The following SAT2 variants were observed in gnomAD, a reference collection of about 807,000 sequenced individuals.
SAT2 encodes the protein thialysine N-epsilon-acetyltransferase.
Under a neutral mutation model 24.8 loss-of-function variants are expected in SAT2, and 19 were observed. The observed-to-expected ratio is 0.77, with a 90% CI of 0.53 to 1.12. The LOEUF (loss-of-function observed/expected upper bound fraction) is 1.12. Among genes scored for constraint, SAT2 ranks in the 50% most tolerant of loss-of-function variants. The pLI, the probability that SAT2 is intolerant of heterozygous loss-of-function variation, is 0.00. For missense variants in SAT2, 190 were observed against 210.7 expected (o/e 0.90, Z 0.61); for synonymous variants, 77 against 77.4 (o/e 0.99, Z 0.03).
Position 7,627,764 on chromosome 17 carries a change from C to A in SAT2, c.-129G>T. 1 of 948,122 alleles carries A rather than the reference C, an allele frequency of 1.1e-6. No homozygotes were observed. The highest frequency in any genetic ancestry group is 1.7e-6 in the Non-Finnish European group (1 of 599,122). The allele number at this position is 948,122 out of a possible 1,614,324, so 58.7% of individuals were successfully genotyped here. A position where few individuals can be genotyped will look rare whatever the true frequency, so the allele number is the denominator to read the frequency against. On this transcript the variant is annotated 5_prime_UTR_variant, in exon 1 of 6. Transcript: ENST00000269298. This position sits in a 1 kb window ranked among gnomAD's most constrained non-coding sequence, Gnocchi z 4.8. Reference sequence around the variant, plus strand: ...GGGTGGCGGGAGTCGGGGGGGACGGCGGGGTAGCCGCGGCCTGGTAAGTGG... The same window carrying A: ...GGGTGGCGGGAGTCGGGGGGGACGGAGGGGTAGCCGCGGCCTGGTAAGTGG...
At position 7,626,487 on chromosome 17, in the gene SAT2, CAGA is replaced by C. The variant is rs757956545; in HGVS notation, c.470_472del (p.Phe157del). On this transcript the variant is annotated inframe_deletion, in exon 6 of 6. Transcript: ENST00000269298. Reference sequence around the variant, plus strand: ...CTTTCTCGTTGCCTCTCCTTGAAAGCAGAAGAAGTGCCAGCCCTCAGCTTCCGT... The same window carrying C: ...CTTTCTCGTTGCCTCTCCTTGAAAGCAGAAGTGCCAGCCCTCAGCTTCCGT... 7.4e-5 allele frequency: 120 copies of C among 1,614,140 alleles called. No homozygotes were observed. Among genetic ancestry groups the C allele is most frequent in the Admixed American group, 4.0e-4 (24 of 60,006 alleles).
chr17:7,626,745 C>CT lies in SAT2; in HGVS notation c.345+7dup, dbSNP rs1323270828. 1 of 1,614,186 alleles carries CT rather than the reference C, an allele frequency of 6.2e-7. No homozygotes were observed. Among genetic ancestry groups the CT allele is most frequent in the Admixed American group, 1.7e-5 (1 of 60,006 alleles). On this transcript the variant is annotated splice_region_variant and intron_variant, in intron 5 of 5. Transcript: ENST00000269298. ...GGTCCTCACTTGTCGCCCCACCCAT[C>CT]TCCTCACCTCAGCCACCTTTTTGAT...
In SAT2 at chr17:7,627,353, G is replaced by A. The variant is rs377569695; in HGVS notation, c.118+10C>T. 2.5e-6 allele frequency: 4 copies of A among 1,614,088 alleles called. No individual in the cohort carries two copies. The highest frequency in any genetic ancestry group is 8.5e-7 in the Non-Finnish European group (1 of 1,179,972). ...CAGCCTCCGCCAGAACCTGGGCGCTGAGCCCCCACCTTCTTCACTGATCTT... is the reference window on the plus strand; with the variant it reads ...CAGCCTCCGCCAGAACCTGGGCGCTAAGCCCCCACCTTCTTCACTGATCTT... On this transcript the variant is annotated intron_variant, in intron 2 of 5. Coordinates refer to ENST00000269298, the MANE Select transcript of SAT2 (RefSeq NM_133491.5). The surrounding 1 kb of genome is among the most constrained non-coding windows in gnomAD (Gnocchi z 4.8).
chr17:7,626,873 G>A (rs1009485589), intron 4 of SAT2, 70 bp downstream of exon 4: 2 of 1,604,960 alleles, frequency 1.2e-6, no homozygotes, highest in African/African-American at 1.3e-5. Flanking sequence ...CTGGGCTCTG[G>A]GGACAGGGGA....
At position 7,627,329 on chromosome 17, in the gene SAT2, A is replaced by T; in HGVS notation, c.118+34T>A. On this transcript the variant is annotated intron_variant, in intron 2 of 5. Transcript: ENST00000269298. The surrounding 1 kb of genome is among the most constrained non-coding windows in gnomAD (Gnocchi z 4.8). ...GGAACCCATCCCTCATTTCCTCCCC[A>T]GCCTCCGCCAGAACCTGGGCGCTGA... The T allele has an allele frequency of 6.2e-7, 1 of 1,613,938 alleles. No individual in the cohort carries two copies. Among genetic ancestry groups the T allele is most frequent in the Non-Finnish European group, 8.5e-7 (1 of 1,179,896 alleles).
In SAT2 at chr17:7,627,700, G is replaced by C. The variant is rs1244323183; in HGVS notation, c.-65C>G. The stretch of plus-strand genomic sequence containing the variant: ...GCAAACGGCAACTAGACCCCTTAAA[G>C]GGCCTACGGACTTGGATCCTGAAGA... On this transcript the variant is annotated 5_prime_UTR_variant, in exon 1 of 6. Transcript: ENST00000269298. This position sits in a 1 kb window ranked among gnomAD's most constrained non-coding sequence, Gnocchi z 4.8. The C allele has an allele frequency of 6.3e-7, 1 of 1,577,748 alleles. No individual in the cohort carries two copies. The highest frequency in any genetic ancestry group is 2.2e-5 in the East Asian group (1 of 44,704).
In SAT2 at chr17:7,626,475, T is replaced by A; in HGVS notation, c.485A>T (p.Glu162Val). The A allele has an allele frequency of 6.2e-7, 1 of 1,613,982 alleles. No individual in the cohort carries two copies. Among genetic ancestry groups the A allele is most frequent in the Non-Finnish European group, 8.5e-7 (1 of 1,179,982 alleles). Residue 162 changes from glutamate to valine, a missense_variant, in exon 6 of 6, where the codon GAG becomes GTG. By Grantham distance (121) the Glu-to-Val change is moderately radical. Coordinates refer to ENST00000269298, the MANE Select transcript of SAT2 (RefSeq NM_133491.5). ...CTTTCCTGCCAACTTTCTCGTTGCC[T>A]CTCCTTGAAAGCAGAAGAAGTGCCA... ...EGWHFFCFQG[E>V]ATRKLAGK
intron 5 of SAT2, 51 bp from the exon 6 acceptor site, chr17:7,626,665 T>C (rs377736074): frequency 6.2e-7 from 1 of 1,610,912 alleles, no homozygotes; most frequent in African/African-American, 1.3e-5. Flanking sequence ...AGAAAAAGGT[T>C]TTCTCACTCC....
In SAT2 at chr17:7,626,275, G is replaced by T; in HGVS notation, c.*172C>A. The T allele has an allele frequency of 1.5e-6, 1 of 669,460 alleles. No homozygotes were observed. The highest frequency in any genetic ancestry group is 2.0e-5 in the South Asian group (1 of 50,880). 41.5% of individuals were successfully genotyped at this position (669,460 alleles called of 1,614,324 possible). ...TTATTTATTTTTCACCCTCAACAAG[G>T]AAGAAAGGTCTCTCCCTCAATTCTG... On this transcript the variant is annotated 3_prime_UTR_variant, in exon 6 of 6. Coordinates refer to ENST00000269298, the MANE Select transcript of SAT2 (RefSeq NM_133491.5).
In SAT2 at chr17:7,626,794, C is replaced by A. The variant is rs753509426; in HGVS notation, c.305-1G>T. 6.2e-7 allele frequency: 1 copy of A among 1,614,062 alleles called. No individual in the cohort carries two copies. On this transcript the variant is annotated splice_acceptor_variant, in intron 4 of 5. Transcript: ENST00000269298. LOFTEE classifies it high-confidence loss of function. ...ATTATTTTGGAACCAATCCCTTGACCTGTTGTGGAGAGAAAGAGGCAAAAA... is the reference window on the plus strand; with the variant it reads ...ATTATTTTGGAACCAATCCCTTGACATGTTGTGGAGAGAAAGAGGCAAAAA...
Position 7,626,405 on chromosome 17 carries a change from G to C in SAT2, c.*42C>G. 6.2e-7 allele frequency: 1 copy of C among 1,605,954 alleles called. No individual in the cohort carries two copies. Among genetic ancestry groups the C allele is most frequent in the Middle Eastern group, 1.7e-4 (1 of 6,010 alleles). On this transcript the variant is annotated 3_prime_UTR_variant, in exon 6 of 6. Coordinates refer to ENST00000269298, the MANE Select transcript of SAT2 (RefSeq NM_133491.5). ...TCTCTGAAGAGTGCTTCAGCTGATG[G>C]GGAAGGAGAAACTCAAGACAGAGAT... is the stretch of plus-strand genomic sequence containing the variant.
rs1240781960 is a variant in SAT2 at position 7,627,764 on chromosome 17, C to T, written c.-129G>A. ...GGGTGGCGGGAGTCGGGGGGGACGG[C>T]GGGGTAGCCGCGGCCTGGTAAGTGG... On this transcript the variant is annotated 5_prime_UTR_variant, in exon 1 of 6. Coordinates refer to ENST00000269298, the MANE Select transcript of SAT2 (RefSeq NM_133491.5). This position sits in a 1 kb window ranked among gnomAD's most constrained non-coding sequence, Gnocchi z 4.8. The T allele has an allele frequency of 1.1e-6, 1 of 948,124 alleles. No homozygotes were observed. The highest frequency in any genetic ancestry group is 1.7e-6 in the Non-Finnish European group (1 of 599,124). 58.7% of individuals were successfully genotyped at this position (948,124 alleles called of 1,614,324 possible).
rs915723405 is a variant in SAT2 at position 7,627,027 on chromosome 17, A to T, written c.220T>A (p.Tyr74Asn). 1 of 1,613,970 alleles carries T rather than the reference A, an allele frequency of 6.2e-7. No individual in the cohort carries two copies. Among genetic ancestry groups the T allele is most frequent in the African/African-American group, 1.3e-5 (1 of 75,002 alleles). ...GKLLGPCVVG[Y>N]GIYYFIYSTW... is the part of the protein sequence containing the mutation. ...CTGTAGATGAAATAGTATATCCCAT[A>T]GCCCACCACGCAGGGCCCTGAGAGA... Residue 74 changes from tyrosine to asparagine, a missense_variant, in exon 4 of 6, where the codon TAT (tyrosine) becomes AAT (asparagine). Tyr to Asn is a moderately radical substitution (Grantham distance 143, BLOSUM62 -2). Transcript: ENST00000269298. The surrounding 1 kb of genome is among the most constrained non-coding windows in gnomAD (Gnocchi z 4.8).
In SAT2 at chr17:7,627,751, T is replaced by TGG; in HGVS notation, c.-117_-116insCC. ...GCCTGAGAGAGCGGGGTGGCGGGAG[T>TGG]CGGGGGGGACGGCGGGGTAGCCGCG... On this transcript the variant is annotated 5_prime_UTR_variant, in exon 1 of 6. Transcript: ENST00000269298. The surrounding 1 kb of genome is among the most constrained non-coding windows in gnomAD (Gnocchi z 4.8). 9.0e-7 allele frequency: 1 copy of TGG among 1,113,066 alleles called. No individual in the cohort carries two copies. Among genetic ancestry groups the TGG allele is most frequent in the Non-Finnish European group, 1.3e-6 (1 of 749,158 alleles). The allele number at this position is 1,113,066 out of a possible 1,614,324, so 68.9% of individuals were successfully genotyped here.
Position 7,627,527 on chromosome 17 carries a change from C to T in SAT2, c.66+43G>A. ...CCCGCCTCCTACGACCCCGCTCTGG[C>T]CGCGCCACTCTGACCCCCGGGTTAC... On this transcript the variant is annotated intron_variant, in intron 1 of 5. Transcript: ENST00000269298. This position sits in a 1 kb window ranked among gnomAD's most constrained non-coding sequence, Gnocchi z 4.8. 1 of 1,560,630 alleles carries T rather than the reference C, an allele frequency of 6.4e-7. No homozygotes were observed. The highest frequency in any genetic ancestry group is 8.8e-7 in the Non-Finnish European group (1 of 1,133,494).
At chr17:7,626,655 A>T in intron 5 of SAT2, 41 bp from the exon 6 acceptor site, 1 of 1,611,260 alleles carries the variant, frequency 6.2e-7, no homozygotes, top group Non-Finnish European at 8.5e-7. Flanking sequence ...GGGTCAAAAA[A>T]GAAAAAGGTT....
chr17:7,627,574 A>C lies in SAT2; in HGVS notation c.62T>G (p.Ile21Ser), dbSNP rs766581645. Residue 21 changes from isoleucine to serine, a missense_variant, in exon 1 of 6, where the codon ATT (isoleucine) becomes AGT (serine). Ile to Ser is a moderately radical substitution (Grantham distance 142). Coordinates refer to ENST00000269298, the MANE Select transcript of SAT2 (RefSeq NM_133491.5). This position sits in a 1 kb window ranked among gnomAD's most constrained non-coding sequence, Gnocchi z 4.8. ...EGDCGDILRLIRELAEFEKLS... is the reference protein window; with the variant it reads ...EGDCGDILRLSRELAEFEKLS... ...TTACCGGCCTGCAGTCTTCACCCGAATCAGCCTCAGGATATCTCCACAGTC... is the reference window on the plus strand; with the variant it reads ...TTACCGGCCTGCAGTCTTCACCCGACTCAGCCTCAGGATATCTCCACAGTC... The C allele has an allele frequency of 5.6e-6, 9 of 1,610,380 alleles. No individual in the cohort carries two copies. In the Admixed American group the frequency reaches 1.5e-4, roughly 27 times the overall value.
Position 7,626,454 on chromosome 17 carries a change from C to T in SAT2, c.506G>A (p.Gly169Glu). The T allele has an allele frequency of 6.2e-7, 1 of 1,613,966 alleles. No homozygotes were observed. Among genetic ancestry groups the T allele is most frequent in the Non-Finnish European group, 8.5e-7 (1 of 1,179,916 alleles). ...ATCCTCCTAGGGATGGCGTCACTTT[C>T]CTGCCAACTTTCTCGTTGCCTCTCC... ...FQGEATRKLA[G>E]K The change falls in exon 6 of 6, where the codon GGA becomes GAA. Residue 169 changes from glycine to glutamate, a missense_variant. Transcript: ENST00000269298.
chr17:7,627,245 T>C lies in SAT2; in HGVS notation c.119-19A>G. 6.2e-7 allele frequency: 1 copy of C among 1,613,906 alleles called. No individual in the cohort carries two copies. Among genetic ancestry groups the C allele is most frequent in the Non-Finnish European group, 8.5e-7 (1 of 1,179,854 alleles). On this transcript the variant is annotated intron_variant, in intron 2 of 5. Coordinates refer to ENST00000269298, the MANE Select transcript of SAT2 (RefSeq NM_133491.5). This position sits in a 1 kb window ranked among gnomAD's most constrained non-coding sequence, Gnocchi z 4.8. The stretch of plus-strand genomic sequence containing the variant: ...CTCAGGGCTGCCGAGATTGGAGTTG[T>C]GACAAAGAGATAGAGAAAGAGGACG...
Sources: gnomAD v4.1 joint callset for allele counts on GRCh38, gnomAD v4.1.1 for gene constraint, Gnocchi (gnomAD v3.1) non-coding constraint, MANE v1.5 for transcripts, NCBI Gene and HGNC (gene_info 2026-07-23, HGNC 2026-07-21) for gene names.